The following DAB1 variants were observed in gnomAD, a reference collection of about 807,000 sequenced individuals.
The protein encoded by DAB1 is disabled homolog 1.
Under a neutral mutation model 64.6 loss-of-function variants are expected in DAB1, and 15 were observed. The observed-to-expected ratio is 0.23, with a 90% CI of 0.16 to 0.36. The LOEUF (loss-of-function observed/expected upper bound fraction) is 0.36. Ranked by LOEUF, DAB1 falls within the 10% of genes least tolerant of loss-of-function variation. The probability of loss-of-function intolerance (pLI) is 1.00; values close to 1 mark genes in which losing one functional copy is unlikely to be tolerated. For synonymous variants in DAB1, 235 were observed against 251.9 expected, an observed-to-expected ratio of 0.93 and a Z score of 0.64; for missense variants, 596 against 706.7, an observed-to-expected ratio of 0.84 and a Z score of 1.78.
intron 5 of DAB1, among the ~76,000 whole-genome samples, chr1:58,098,876 T>C (rs1340426264): frequency 6.6e-6 from 1 of 152,160 alleles, no homozygotes; most frequent in East Asian, 1.9e-4. Context: ...TAAATGTCCA[T>C]TGTTTGAGCC....
intron 4 of DAB1, among the ~76,000 whole-genome samples, chr1:57,090,656 A>T (rs138946383): frequency 5.9e-5 from 9 of 152,300 alleles, no homozygotes; most frequent in African/African-American, 2.2e-4. Context: ...CCAGGGCTAG[A>T]TCCGAATTCC....
intron 2 of DAB1, among the ~76,000 whole-genome samples, chr1:57,193,543 T>C (rs898612751): frequency 6.6e-6 from 1 of 151,898 alleles, no homozygotes; most frequent in Admixed American, 6.6e-5. Flanking sequence ...CCCGCCACTA[T>C]GCCCAGCTAA....
rs184138157 is a variant in DAB1 at position 57,857,209 on chromosome 1, C to T, written n.87+26790G>A. Reference sequence around the variant, plus strand: ...AATAATGTGAGAGAAACAAAAAAGGCAAGTGGGCATTGTTAGACAAGGAAA... The same window carrying T: ...AATAATGTGAGAGAAACAAAAAAGGTAAGTGGGCATTGTTAGACAAGGAAA... On this transcript the variant is annotated intron_variant and non_coding_transcript_variant, in intron 1 of 1. Transcript: ENST00000477280. Among the ~76,000 whole-genome samples the T allele has an allele frequency of 1.3e-3, 192 of 152,214 alleles. 1 individual carries two copies. Among genetic ancestry groups the T allele is most frequent in the African/African-American group, 4.3e-3 (180 of 41,516 alleles).
intron 1 of DAB1, among the ~76,000 whole-genome samples, chr1:57,367,104 AAAATAAAATAAAAT>A (rs1430890967): frequency 2.5e-5 from 3 of 119,624 alleles, no homozygotes; most frequent in East Asian, 2.1e-4. Context: ...AAAATAAAAT[AAAATAAAATAAAAT>A]AAATAAATTA....
At chr1:57,825,789 T>C (rs1652324349), downstream of DAB1, among the ~76,000 whole-genome samples, 1 of 152,312 alleles carries the variant, frequency 6.6e-6, no homozygotes, top group East Asian at 1.9e-4. Flanking sequence ...TTGTCCTTCA[T>C]TGAGTTAATG....
chr1:58,165,520 G>A (rs637081), intron 4 of DAB1, among the ~76,000 whole-genome samples: 4,086 of 152,246 alleles, frequency 0.027, 154 homozygotes, highest in South Asian at 0.1. Flanking sequence ...GCAAAAGGGC[G>A]GCGAGCTTCC....
chr1:58,133,179 T>G (rs1172303050), intron 5 of DAB1, among the ~76,000 whole-genome samples: 1 of 152,216 alleles, frequency 6.6e-6, no homozygotes, highest in African/African-American at 2.4e-5. Context: ...ACAACGACTT[T>G]TTTAGTCTCA....
chr1:58,042,530 T>C (rs559854115), intron 5 of DAB1, among the ~76,000 whole-genome samples: 2 of 152,264 alleles, frequency 1.3e-5, no homozygotes, highest in African/African-American at 4.8e-5. Flanking sequence ...TACTGAGCGA[T>C]AGTTCCATAC....
chr1:58,534,067 C>T, intron 1 of DAB1: 1 of 869,304 alleles, frequency 1.2e-6, no homozygotes, highest in Non-Finnish European at 2.0e-6. Context: ...CATTCTGCAC[C>T]ACAAAGAAAA....
intron 7 of DAB1, among the ~76,000 whole-genome samples, chr1:57,613,672 G>A (rs1645755174): frequency 6.6e-6 from 1 of 152,122 alleles, no homozygotes; most frequent in Admixed American, 6.6e-5. Context: ...AGAGAAACAG[G>A]AAATTCAAAA....
intron 1 of DAB1, among the ~76,000 whole-genome samples, chr1:57,338,090 C>A (rs1046949378): frequency 1.3e-5 from 2 of 152,016 alleles, no homozygotes; most frequent in Admixed American, 6.6e-5. Flanking sequence ...TTTCAGGTGA[C>A]TCTTCCACCT....
chr1:58,225,205 G>GA (rs1265748232), intron 4 of DAB1, among the ~76,000 whole-genome samples: 6 of 151,844 alleles, frequency 4.0e-5, no homozygotes, highest in Non-Finnish European at 8.9e-5. Context: ...AAAGACACAT[G>GA]AAAAAATGCT....
intron 4 of DAB1, among the ~76,000 whole-genome samples, chr1:57,074,721 GGTA>G (rs1651825884): frequency 6.6e-6 from 1 of 152,146 alleles, no homozygotes; most frequent in South Asian, 2.1e-4. Context: ...ATGCTTAAAT[GGTA>G]GTATGACTGC....
intron 4 of DAB1, among the ~76,000 whole-genome samples, chr1:58,323,381 G>C (rs971441461): frequency 5.9e-5 from 9 of 151,986 alleles, no homozygotes; most frequent in African/African-American, 1.7e-4. Flanking sequence ...ATACTCAACA[G>C]TCTGCCTGTA....
chr1:57,455,711 G>T (rs867976919), intron 7 of DAB1, among the ~76,000 whole-genome samples: 1 of 152,016 alleles, frequency 6.6e-6, no homozygotes. Context: ...GGTCTAGAAG[G>T]CAGGGCCCTA....
intron 7 of DAB1, among the ~76,000 whole-genome samples, chr1:57,550,894 C>G (rs1302294476): frequency 6.6e-6 from 1 of 152,174 alleles, no homozygotes; most frequent in East Asian, 1.9e-4. Flanking sequence ...AAAGCACTTA[C>G]TTGGTATCAA....
chr1:57,913,692 T>C (rs1569980091), intron 5 of DAB1, among the ~76,000 whole-genome samples: 1 of 151,958 alleles, frequency 6.6e-6, no homozygotes, highest in Non-Finnish European at 1.5e-5. Context: ...TGCAATCTAC[T>C]CATCTGACAA....
At chr1:57,018,620 C>T (rs1646509907) in intron 11 of DAB1, among the ~76,000 whole-genome samples, 1 of 152,176 alleles carries the variant, frequency 6.6e-6, no homozygotes, top group Admixed American at 6.5e-5. Context: ...GATTCAATCA[C>T]CCAAGACCTG....
At chr1:57,015,472 T>A (rs145962085) in intron 11 of DAB1, 41 bp from the exon 12 acceptor site, 1 of 1,534,938 alleles carries the variant, frequency 6.5e-7, no homozygotes, top group Non-Finnish European at 8.8e-7. Context: ...TTCCCTGGTG[T>A]CCTGGGAAAG....
Sources: gnomAD v4.1 joint callset for allele counts (sites outside exome capture counted in the v4.1 genomes callset) on GRCh38, gnomAD v4.1.1 for gene constraint, MANE v1.5 for transcripts, NCBI Gene and HGNC (gene_info 2026-07-23, HGNC 2026-07-21) for gene names.